Variants in R3HDM1 observed in about 807,000 individuals in gnomAD.
R3HDM1 encodes R3H domain-containing protein 1.
A neutral mutation model predicts 141.1 loss-of-function variants in R3HDM1; 46 were observed. That is an observed-to-expected ratio of 0.33 (90% CI 0.26 to 0.42). The LOEUF (loss-of-function observed/expected upper bound fraction) is 0.42. Among genes scored for constraint, R3HDM1 ranks in the 10% least tolerant of loss-of-function variants. R3HDM1 has a pLI of 1.00. For synonymous variants in R3HDM1, 435 were observed against 472.9 expected, an observed-to-expected ratio of 0.92 and a Z score of 1.04; for missense variants, 1,184 against 1,368.3, an observed-to-expected ratio of 0.87 and a Z score of 2.12.
chr2:135,579,914 T>G lies in R3HDM1; in HGVS notation c.-249-22586T>G, dbSNP rs963396608. Among the ~76,000 whole-genome samples the G allele has an allele frequency of 1.0e-3, 156 of 152,318 alleles. 1 individual carries two copies. Among genetic ancestry groups the G allele is most frequent in the African/African-American group, 3.6e-3 (148 of 41,566 alleles). ...AGGTATATACAGGAAGTCTGTGCTA[T>G]TTTTGCAACTTTTCTCCGAGTCTAA... is the stretch of plus-strand genomic sequence containing the variant. On this transcript the variant is annotated intron_variant, in intron 1 of 26. Coordinates refer to ENST00000683871, the MANE Select transcript of R3HDM1 (RefSeq NM_001378107.1).
intron 19 of R3HDM1, among the ~76,000 whole-genome samples, chr2:135,672,946 A>G (rs1001444034): frequency 6.6e-6 from 1 of 152,144 alleles, no homozygotes; most frequent in South Asian, 2.1e-4. Flanking sequence ...ATCTCTACTA[A>G]AAATACAAAA....
At chr2:135,683,550 T>C (rs1313115333) in intron 21 of R3HDM1, among the ~76,000 whole-genome samples, 1 of 94,446 alleles carries the variant, frequency 1.1e-5, no homozygotes, top group African/African-American at 7.4e-5. Flanking sequence ...TAAGAACCTA[T>C]CTCAAAAAAA....
At chr2:135,544,138 A>G (rs1419130092) in intron 1 of R3HDM1, among the ~76,000 whole-genome samples, 2 of 152,236 alleles carry the variant, frequency 1.3e-5, no homozygotes, top group Non-Finnish European at 2.9e-5. Flanking sequence ...ACCGCTAAAG[A>G]AATTATGCTG....
chr2:135,572,969 G>A (rs1402849564), intron 1 of R3HDM1, among the ~76,000 whole-genome samples: 1 of 152,174 alleles, frequency 6.6e-6, no homozygotes, highest in Admixed American at 6.5e-5. Flanking sequence ...TATAGAGACA[G>A]TAGATTAGTG....
At chr2:135,660,661 C>T (rs900727199) in intron 18 of R3HDM1, among the ~76,000 whole-genome samples, 24 of 151,962 alleles carry the variant, frequency 1.6e-4, no homozygotes, top group African/African-American at 5.8e-4. Flanking sequence ...GCCTGGCCAA[C>T]GTGGTGAAAC....
At chr2:135,695,552 G>C (rs2073117338) in intron 21 of R3HDM1, among the ~76,000 whole-genome samples, 1 of 152,100 alleles carries the variant, frequency 6.6e-6, no homozygotes, top group African/African-American at 2.4e-5. Flanking sequence ...GCAAATCCAA[G>C]CAAAAGAAAT....
intron 15 of R3HDM1, 146 bp downstream of exon 15, chr2:135,641,936 T>A (rs1203194584): frequency 9.2e-7 from 1 of 1,081,598 alleles, no homozygotes; most frequent in Non-Finnish European, 1.3e-6. Flanking sequence ...AAACACTTAA[T>A]GCTAGGGAAG....
chr2:135,681,863 G>C (rs551003167), intron 21 of R3HDM1, among the ~76,000 whole-genome samples: 2 of 152,070 alleles, frequency 1.3e-5, no homozygotes, highest in South Asian at 4.2e-4. Flanking sequence ...TGGGAGTTTA[G>C]TTATATACTT....
chr2:135,687,884 A>G (rs1383055737), intron 21 of R3HDM1, among the ~76,000 whole-genome samples: 2 of 152,248 alleles, frequency 1.3e-5, no homozygotes, highest in Non-Finnish European at 2.9e-5. Context: ...AAATCACATT[A>G]ATTTTCAGAG....
chr2:135,675,544 C>A, intron 20 of R3HDM1, 58 bp downstream of exon 20: 1 of 1,482,438 alleles, frequency 6.7e-7, no homozygotes, highest in Admixed American at 1.8e-5. Context: ...ATTAAGTGCA[C>A]AACTACAATA....
At chr2:135,718,110 T>G (rs1247852942) in intron 24 of R3HDM1, among the ~76,000 whole-genome samples, 2 of 152,208 alleles carry the variant, frequency 1.3e-5, no homozygotes, top group Non-Finnish European at 2.9e-5. Context: ...TATATGATTC[T>G]AATTATATGA....
intron 23 of R3HDM1, 150 bp from the exon 24 acceptor site, chr2:135,715,400 G>A: frequency 1.2e-6 from 1 of 855,412 alleles, no homozygotes; most frequent in Non-Finnish European, 1.7e-6. Context: ...GAAACCATCT[G>A]TTACCAGTGT....
At chr2:135,662,930 C>A (rs2066918965) in intron 19 of R3HDM1, among the ~76,000 whole-genome samples, 1 of 151,878 alleles carries the variant, frequency 6.6e-6, no homozygotes, top group Non-Finnish European at 1.5e-5. Flanking sequence ...ATTTAAATAT[C>A]CTTGCGTGTG....
At chr2:135,620,089 T>C in intron 5 of R3HDM1, 1 of 159,364 alleles carries the variant, frequency 6.3e-6, no homozygotes, top group Non-Finnish European at 1.3e-5. Flanking sequence ...TAAAATAGTT[T>C]AGTATCTGTA....
At chr2:135,546,667 T>C (rs1698756966) in intron 1 of R3HDM1, among the ~76,000 whole-genome samples, 1 of 151,726 alleles carries the variant, frequency 6.6e-6, no homozygotes, top group African/African-American at 2.4e-5. Flanking sequence ...TGTGTGATTT[T>C]AGTTTTTGTC....
chr2:135,622,301 T>C, intron 6 of R3HDM1: 2 of 984,832 alleles, frequency 2.0e-6, no homozygotes, highest in Non-Finnish European at 2.4e-6. Context: ...TAGTTAATTA[T>C]GTAAATCATT....
At chr2:135,721,074 A>G (rs1302273596) in intron 24 of R3HDM1, among the ~76,000 whole-genome samples, 12 of 152,184 alleles carry the variant, frequency 7.9e-5, no homozygotes, top group African/African-American at 2.7e-4. Flanking sequence ...TCCTGTCTCT[A>G]TTCATGTAGT....
At chr2:135,626,208 C>CGTGCGTGT (rs1553576563) in intron 7 of R3HDM1, among the ~76,000 whole-genome samples, 3 of 103,668 alleles carry the variant, frequency 2.9e-5, no homozygotes, top group African/African-American at 1.5e-4. Flanking sequence ...TGCGTGCGTG[C>CGTGCGTGT]GTGCTTGCTT....
intron 1 of R3HDM1, among the ~76,000 whole-genome samples, chr2:135,541,498 G>T (rs766585284): frequency 1.3e-5 from 2 of 152,090 alleles, no homozygotes; most frequent in Non-Finnish European, 2.9e-5. Flanking sequence ...GTGAGCCACC[G>T]TGCCCAGCCA....
Sources: gnomAD v4.1 joint callset for allele counts (sites outside exome capture counted in the v4.1 genomes callset) on GRCh38, gnomAD v4.1.1 for gene constraint, MANE v1.5 for transcripts, NCBI Gene and HGNC (gene_info 2026-07-23, HGNC 2026-07-21) for gene names.